Variants in TENM3 observed in about 807,000 individuals in gnomAD.
TENM3 encodes teneurin-3.
Under a neutral mutation model 255.1 loss-of-function variants are expected in TENM3, and 63 were observed. The observed-to-expected ratio is 0.25, with a 90% CI of 0.20 to 0.30. The LOEUF is 0.30. TENM3 is among the 10% of genes least tolerant of loss of function. The pLI, the probability that TENM3 is intolerant of heterozygous loss-of-function variation, is 1.00. For missense variants in TENM3, 2,929 were observed against 3,461.1 expected, an observed-to-expected ratio of 0.85 and a Z score of 3.86; for synonymous variants, 1,306 against 1,322.3, an observed-to-expected ratio of 0.99 and a Z score of 0.27.
intron 3 of TENM3, among the ~76,000 whole-genome samples, chr4:182,412,779 C>T (rs893536455): frequency 2.0e-5 from 3 of 151,264 alleles, no homozygotes; most frequent in Non-Finnish European, 2.9e-5. Context: ...GCAGGAGAAT[C>T]GCTTGAACCT....
intron 12 of TENM3, among the ~76,000 whole-genome samples, chr4:182,689,380 G>A (rs1756843813): frequency 6.6e-6 from 1 of 152,108 alleles, no homozygotes; most frequent in South Asian, 2.1e-4. Flanking sequence ...ACTTTGTCAT[G>A]GGAAAATTGA....
At chr4:181,608,461 C>T in the TENM3 span, among the ~76,000 whole-genome samples, 5 of 152,050 alleles carry the variant, frequency 3.3e-5, no homozygotes, top group African/African-American at 1.2e-4. Flanking sequence ...AAAGTATCCC[C>T]AGGTAGTTGA....
chr4:181,688,957 G>T, the TENM3 span, among the ~76,000 whole-genome samples: 1 of 152,126 alleles, frequency 6.6e-6, no homozygotes, highest in Non-Finnish European at 1.5e-5. Context: ...CTCAGAGTGA[G>T]GATATATCAA....
At chr4:181,881,276 T>C in the TENM3 span, among the ~76,000 whole-genome samples, 3 of 152,114 alleles carry the variant, frequency 2.0e-5, no homozygotes, top group Non-Finnish European at 4.4e-5. Flanking sequence ...CAATCAATTA[T>C]GTTACTTCTC....
chr4:181,749,070 A>ACC, the TENM3 span, among the ~76,000 whole-genome samples: 2 of 152,062 alleles, frequency 1.3e-5, no homozygotes, highest in Admixed American at 1.3e-4. Flanking sequence ...TGTAATAGTA[A>ACC]AGTTGGCTTC....
the TENM3 span, among the ~76,000 whole-genome samples, chr4:181,682,764 GAGCACAAATTCC>G: frequency 2.6e-5 from 4 of 152,082 alleles, no homozygotes; most frequent in African/African-American, 9.7e-5. Flanking sequence ...GAGGGAAAAT[GAGCACAAATTCC>G]AGCCAAACAT....
chr4:181,478,358 A>G, the TENM3 span, among the ~76,000 whole-genome samples: 1 of 152,224 alleles, frequency 6.6e-6, no homozygotes, highest in Non-Finnish European at 1.5e-5. Flanking sequence ...TTAAAATGGC[A>G]TCTTTAAGTG....
the TENM3 span, among the ~76,000 whole-genome samples, chr4:181,606,622 C>A: frequency 2.0e-5 from 3 of 152,086 alleles, no homozygotes; most frequent in African/African-American, 7.2e-5. Flanking sequence ...GGTACTAGAG[C>A]CTGATTCTCA....
At chr4:181,475,542 A>T in the TENM3 span, among the ~76,000 whole-genome samples, 1 of 152,194 alleles carries the variant, frequency 6.6e-6, no homozygotes, top group African/African-American at 2.4e-5. Context: ...ATCACTCTGC[A>T]TCATAGATGC....
chr4:181,605,486 G>GA, the TENM3 span, among the ~76,000 whole-genome samples: 1 of 17,144 alleles, frequency 5.8e-5, no homozygotes, highest in Non-Finnish European at 1.0e-4. Flanking sequence ...AACAGAGAAA[G>GA]AAAGAAAGAA....
the TENM3 span, among the ~76,000 whole-genome samples, chr4:181,626,037 A>G: frequency 2.0e-5 from 3 of 152,162 alleles, no homozygotes; most frequent in African/African-American, 7.2e-5. Flanking sequence ...CAGTTTTTCT[A>G]TGATGTCATG....
the TENM3 span, among the ~76,000 whole-genome samples, chr4:181,556,837 T>G: frequency 6.6e-6 from 1 of 152,190 alleles, no homozygotes; most frequent in Non-Finnish European, 1.5e-5. Context: ...TTTATAAGAC[T>G]TTATAACTTG....
chr4:182,205,985 C>T (rs1340314232), intron 1 of TENM3, among the ~76,000 whole-genome samples: 2 of 151,898 alleles, frequency 1.3e-5, no homozygotes, highest in African/African-American at 2.4e-5. Flanking sequence ...TTCTCTGAAG[C>T]TGGCCAAAAG....
chr4:182,583,897 T>C (rs986769974), intron 3 of TENM3, among the ~76,000 whole-genome samples: 1 of 152,230 alleles, frequency 6.6e-6, no homozygotes, highest in African/African-American at 2.4e-5. Flanking sequence ...CTTTGGCACT[T>C]ATTTTGCATA....
In TENM3 at chr4:182,161,853, ATATATATGTG is replaced by A. The variant is rs1230658026; in HGVS notation, c.-76+17117_-76+17126del. Among the ~76,000 whole-genome samples the A allele has an allele frequency of 1.3e-4, 2 of 15,606 alleles. 1 individual carries two copies. Among genetic ancestry groups the A allele is most frequent in the Middle Eastern group, 0.1 (2 of 20 alleles). The allele number at this position is 15,606 out of a possible 152,430, so 10.2% of individuals were successfully genotyped here. On this transcript the variant is annotated intron_variant, in intron 1 of 2. Coordinates refer to the TENM3 transcript ENST00000512480. ...CATATATATGTGTATATATACACAA[ATATATATGTG>A]TATATATGTGTATATATATACACAC...
the TENM3 span, among the ~76,000 whole-genome samples, chr4:181,865,857 A>G: frequency 6.6e-6 from 1 of 152,288 alleles, no homozygotes; most frequent in East Asian, 1.9e-4. Context: ...ACTGGAAAAA[A>G]TCTCAGAATA....
the TENM3 span, among the ~76,000 whole-genome samples, chr4:182,138,011 CTT>C: frequency 6.6e-6 from 1 of 152,222 alleles, no homozygotes; most frequent in Non-Finnish European, 1.5e-5. Flanking sequence ...CTTTCAGCCT[CTT>C]TGCTTTTTAG....
intron 3 of TENM3, among the ~76,000 whole-genome samples, chr4:182,436,921 G>T (rs939526500): frequency 6.6e-6 from 1 of 151,930 alleles, no homozygotes; most frequent in Non-Finnish European, 1.5e-5. Flanking sequence ...GGGAGTACTA[G>T]GGAGGCTGAG....
chr4:182,116,852 G>A, the TENM3 span, among the ~76,000 whole-genome samples: 1 of 152,108 alleles, frequency 6.6e-6, no homozygotes, highest in Non-Finnish European at 1.5e-5. Flanking sequence ...GAGTGTGCTT[G>A]GTTTTGTAAG....
Sources: allele counts gnomAD v4.1 joint callset (sites outside exome capture counted in the v4.1 genomes callset), GRCh38; gene constraint gnomAD v4.1.1; transcripts MANE v1.5; gene names NCBI Gene and HGNC (gene_info 2026-07-23, HGNC 2026-07-21).